Variants in ADGRB3 observed in about 807,000 individuals in gnomAD.
ADGRB3 encodes the protein adhesion G protein-coupled receptor B3, also known as brain-specific angiogenesis inhibitor 3.
A neutral mutation model predicts 193.4 loss-of-function variants in ADGRB3; 37 were observed. That is an observed-to-expected ratio of 0.19 (90% CI 0.15 to 0.25). The LOEUF (loss-of-function observed/expected upper bound fraction) is 0.25, where lower values mean the gene tolerates loss of function less well. Ranked by LOEUF, ADGRB3 falls within the 10% of genes least tolerant of loss-of-function variation. ADGRB3 has a pLI of 1.00. For synonymous variants in ADGRB3, 690 were observed against 644.2 expected (o/e 1.07, Z -1.08); for missense variants, 1,637 against 1,852.9 (o/e 0.88, Z 2.14).
chr6:69,117,922 A>G (rs770490759), intron 17 of ADGRB3, among the ~76,000 whole-genome samples: 3 of 152,228 alleles, frequency 2.0e-5, no homozygotes, highest in Admixed American at 1.3e-4. Flanking sequence ...ACGTGAAGAT[A>G]GTAGCACTGT....
intron 17 of ADGRB3, among the ~76,000 whole-genome samples, chr6:69,211,619 C>T (rs770732365): frequency 6.6e-6 from 1 of 152,144 alleles, no homozygotes; most frequent in Admixed American, 6.5e-5. Context: ...TCACTATGTC[C>T]TTATCTTCCT....
At chr6:69,336,071 A>C (rs1316387972) in intron 24 of ADGRB3, among the ~76,000 whole-genome samples, 1 of 151,888 alleles carries the variant, frequency 6.6e-6, no homozygotes, top group African/African-American at 2.4e-5. Flanking sequence ...TTAACTTTTA[A>C]GTTCAGGAGT....
chr6:68,932,255 T>G (rs1767358963), intron 4 of ADGRB3, among the ~76,000 whole-genome samples: 1 of 152,198 alleles, frequency 6.6e-6, no homozygotes, highest in South Asian at 2.1e-4. Flanking sequence ...GGAAGTGAAA[T>G]GGAAAATGAT....
At chr6:68,704,894 A>G (rs1020925836) in intron 3 of ADGRB3, among the ~76,000 whole-genome samples, 5 of 152,230 alleles carry the variant, frequency 3.3e-5, no homozygotes, top group Non-Finnish European at 5.9e-5. Context: ...ATCACAAACA[A>G]TATTTTTAAT....
Position 69,210,909 on chromosome 6 carries a change from A to C in ADGRB3, c.2481-22381A>C, listed in dbSNP as rs554961616. On this transcript the variant is annotated intron_variant, in intron 17 of 31. Transcript: ENST00000370598. ...GGCTGGCGGATCACGAGGTCAGGAG[A>C]TCGAGACAATCCTGGCTAACACGGT... 5.3e-5 allele frequency among the ~76,000 whole-genome samples: 8 copies of C among 151,966 alleles called. No homozygotes were observed. The South Asian group carries it at 1.5e-3, about 28-fold the overall frequency.
chr6:68,801,039 C>T (rs964137421), intron 3 of ADGRB3, among the ~76,000 whole-genome samples: 8 of 152,076 alleles, frequency 5.3e-5, no homozygotes, highest in Non-Finnish European at 1.0e-4. Context: ...AGATGATGTC[C>T]AAATTTAATT....
At position 69,235,106 on chromosome 6, in the gene ADGRB3, C is replaced by T. The variant is rs1766231879; in HGVS notation, c.2682C>T (p.Thr894=). The T allele has an allele frequency of 6.2e-7, 1 of 1,611,988 alleles. No individual in the cohort carries two copies. Among genetic ancestry groups the T allele is most frequent in the Non-Finnish European group, 8.5e-7 (1 of 1,178,268 alleles). ...GSGLSCLALI[T]LAVVYAALWR... The stretch of plus-strand genomic sequence containing the variant: ...GTCTTTCTTGCTTGGCCTTGATTAC[C>T]CTAGCAGTTGTCTATGCAGCATTAT... Residue 894 remains threonine (T), a synonymous_variant, in exon 19 of 32, where the codon ACC becomes ACT. Transcript: ENST00000370598.
chr6:68,814,777 G>A (rs1406987982), intron 3 of ADGRB3, among the ~76,000 whole-genome samples: 2 of 148,756 alleles, frequency 1.3e-5, no homozygotes, highest in Non-Finnish European at 3.0e-5. Context: ...ACATCAAAAA[G>A]CTTATCCACC....
rs577997877 is a variant in ADGRB3, at chr6:69,085,134, A to G, written c.2480+9096A>G. Among the ~76,000 whole-genome samples, 131 of 152,252 alleles carry G rather than the reference A, an allele frequency of 8.6e-4. 1 individual carries two copies. Among genetic ancestry groups the G allele is most frequent in the African/African-American group, 3.1e-3 (128 of 41,570 alleles). ...GCCAACCAGAAGATTCCTACGTGTCATAGGAAGCTCTCATCAGTGTCTCTA... is the reference window on the plus strand; with the variant it reads ...GCCAACCAGAAGATTCCTACGTGTCGTAGGAAGCTCTCATCAGTGTCTCTA... On this transcript the variant is annotated intron_variant, in intron 17 of 31. Transcript: ENST00000370598.
chr6:68,644,152 T>TA (rs980727298), intron 3 of ADGRB3, among the ~76,000 whole-genome samples: 158 of 150,688 alleles, frequency 1.0e-3, no homozygotes, highest in Non-Finnish European at 1.4e-3. Flanking sequence ...TAGGTTACAG[T>TA]AAAAAAAAAC....
At chr6:69,100,636 G>T (rs1054586151) in intron 17 of ADGRB3, among the ~76,000 whole-genome samples, 1 of 151,908 alleles carries the variant, frequency 6.6e-6, no homozygotes, top group African/African-American at 2.4e-5. Context: ...TTTCAAATAA[G>T]ATCATGCCCT....
chr6:69,328,878 A>C (rs564965106), intron 22 of ADGRB3, among the ~76,000 whole-genome samples: 2 of 152,226 alleles, frequency 1.3e-5, no homozygotes, highest in African/African-American at 4.8e-5. Flanking sequence ...GTATACATCT[A>C]TTTTTGGAAA....
chr6:69,037,436 T>G (rs1414849587), intron 13 of ADGRB3, among the ~76,000 whole-genome samples: 1 of 152,148 alleles, frequency 6.6e-6, no homozygotes, highest in East Asian at 1.9e-4. Context: ...CTGAAAATAT[T>G]TCTGTTTTAG....
intron 17 of ADGRB3, among the ~76,000 whole-genome samples, chr6:69,171,840 C>T (rs62406808): frequency 6.6e-6 from 1 of 152,186 alleles, no homozygotes; most frequent in South Asian, 2.1e-4. Context: ...TACCCAATAT[C>T]AATTTTTTTC....
At chr6:69,121,823 G>A (rs1773702899) in intron 17 of ADGRB3, among the ~76,000 whole-genome samples, 1 of 151,610 alleles carries the variant, frequency 6.6e-6, no homozygotes, top group African/African-American at 2.4e-5. Context: ...CAGACAATGG[G>A]CGGCCGGGCA....
At chr6:68,777,302 A>G (rs1322087589) in intron 3 of ADGRB3, among the ~76,000 whole-genome samples, 1 of 152,152 alleles carries the variant, frequency 6.6e-6, no homozygotes, top group African/African-American at 2.4e-5. Context: ...GCAATTAGCA[A>G]TTATCTTCAA....
At chr6:68,719,564 A>G (rs1014530021) in intron 3 of ADGRB3, among the ~76,000 whole-genome samples, 1 of 151,890 alleles carries the variant, frequency 6.6e-6, no homozygotes, top group African/African-American at 2.4e-5. Context: ...ACAGTTACAC[A>G]TTGGAAAGAT....
chr6:69,053,711 A>G (rs962971752), intron 15 of ADGRB3, among the ~76,000 whole-genome samples: 2 of 152,218 alleles, frequency 1.3e-5, no homozygotes, highest in African/African-American at 4.8e-5. Flanking sequence ...AAACATCCAT[A>G]TCTTGGCAAG....
chr6:68,868,910 G>GTGTGTGTGTGTGTGT (rs372367034), intron 3 of ADGRB3, among the ~76,000 whole-genome samples: 2 of 106,472 alleles, frequency 1.9e-5, no homozygotes, highest in East Asian at 4.3e-4. Flanking sequence ...TCCAGATAAT[G>GTGTGTGTGTGTGTGT]ATGTGTGTGT....
Sources: gnomAD v4.1 joint callset for allele counts (sites outside exome capture counted in the v4.1 genomes callset) on GRCh38, gnomAD v4.1.1 for gene constraint, MANE v1.5 for transcripts, NCBI Gene and HGNC (gene_info 2026-07-23, HGNC 2026-07-21) for gene names.